The following GRIP1 variants were observed in gnomAD, a reference collection of about 807,000 sequenced individuals.
GRIP1 encodes the protein glutamate receptor-interacting protein 1.
Under a neutral mutation model 129.9 loss-of-function variants are expected in GRIP1, and 45 were observed. The observed-to-expected ratio is 0.35, with a 90% CI of 0.27 to 0.44. GRIP1 has a LOEUF of 0.44. Ranked by LOEUF, GRIP1 falls within the 20% of genes least tolerant of loss-of-function variation. The pLI, the probability that GRIP1 is intolerant of heterozygous loss-of-function variation, is 1.00. For synonymous variants in GRIP1, 530 were observed against 520.8 expected (o/e 1.02, Z -0.24); for missense variants, 1,196 against 1,396.8 (o/e 0.86, Z 2.29).
At chr12:66,377,092 C>T in intron 21 of GRIP1, 31 bp from the exon 22 acceptor site, 3 of 1,599,592 alleles carry the variant, frequency 1.9e-6, no homozygotes, top group Non-Finnish European at 2.6e-6. Flanking sequence ...TTTAAATGAA[C>T]TGGTGTGAGA....
At chr12:66,762,811 G>T (rs533990581) in intron 1 of GRIP1, among the ~76,000 whole-genome samples, 2 of 152,296 alleles carry the variant, frequency 1.3e-5, no homozygotes, top group African/African-American at 4.8e-5. Context: ...TATACAATGT[G>T]CAGTGGTTAC....
Position 66,678,832 on chromosome 12 carries a change from A to T in GRIP1, c.55+18T>A. The T allele has an allele frequency of 6.2e-7, 1 of 1,611,064 alleles. No homozygotes were observed. The highest frequency in any genetic ancestry group is 8.5e-7 in the Non-Finnish European group (1 of 1,177,496). On this transcript the variant is annotated intron_variant, in intron 1 of 24. Transcript: ENST00000359742. ...CTGCAACAGACTCGCTGAGGGAATA[A>T]CAAGGAAAGCACGATACCTTTAGTA...
At chr12:66,547,414 T>C (rs2139275808) in intron 2 of GRIP1, among the ~76,000 whole-genome samples, 1 of 152,286 alleles carries the variant, frequency 6.6e-6, no homozygotes, top group East Asian at 1.9e-4. Context: ...CCAGAAATTA[T>C]ACTCCTGGGC....
intron 20 of GRIP1, among the ~76,000 whole-genome samples, chr12:66,378,652 C>G (rs188721288): frequency 4.0e-5 from 6 of 148,952 alleles, no homozygotes; most frequent in Non-Finnish European, 8.9e-5. Context: ...GAGGCTGAGA[C>G]GAGAATCACT....
chr12:66,351,550 A>C (rs2054219490), intron 24 of GRIP1, among the ~76,000 whole-genome samples: 1 of 119,048 alleles, frequency 8.4e-6, no homozygotes. Flanking sequence ...GGGAAACAGG[A>C]AGGTGGTTTT....
intron 1 of GRIP1, among the ~76,000 whole-genome samples, chr12:66,930,414 T>C (rs1042984684): frequency 6.6e-6 from 1 of 151,140 alleles, no homozygotes; most frequent in Non-Finnish European, 1.5e-5. Context: ...ATTTCATCCA[T>C]GTCCCTACAA....
intron 1 of GRIP1, among the ~76,000 whole-genome samples, chr12:66,969,031 C>A (rs1206017252): frequency 6.6e-6 from 1 of 152,128 alleles, no homozygotes; most frequent in East Asian, 1.9e-4. Context: ...TTTCTTTCAA[C>A]TCTTTAAGTA....
intron 1 of GRIP1, among the ~76,000 whole-genome samples, chr12:67,016,462 C>T (rs1287439199): frequency 6.6e-6 from 1 of 152,030 alleles, no homozygotes; most frequent in Non-Finnish European, 1.5e-5. Context: ...CACACTAAAC[C>T]CTTGGACTGA....
At chr12:66,421,585 G>A (rs554225588) in intron 14 of GRIP1, among the ~76,000 whole-genome samples, 25 of 151,304 alleles carry the variant, frequency 1.7e-4, no homozygotes, top group African/African-American at 6.1e-4. Flanking sequence ...TTCCTCACAA[G>A]GAAATCTTTT....
chr12:66,929,561 A>G (rs968118412), intron 1 of GRIP1, among the ~76,000 whole-genome samples: 1 of 152,202 alleles, frequency 6.6e-6, no homozygotes, highest in Non-Finnish European at 1.5e-5. Flanking sequence ...TTTTTGAATC[A>G]TAAGTGAATA....
At chr12:66,715,471 T>TGTGTGAGAGAGA (rs761155485) in intron 1 of GRIP1, among the ~76,000 whole-genome samples, 6 of 110,136 alleles carry the variant, frequency 5.4e-5, no homozygotes, top group African/African-American at 2.0e-4. Context: ...TGTGTGTGTG[T>TGTGTGAGAGAGA]GAGAGAGAGA....
At chr12:67,013,403 G>A (rs1422859842) in intron 1 of GRIP1, among the ~76,000 whole-genome samples, 30 of 152,102 alleles carry the variant, frequency 2.0e-4, no homozygotes, top group Admixed American at 2.0e-3. Context: ...ATTAGAGGAT[G>A]TATTTCTTAA....
At chr12:66,552,879 T>C (rs2062188492) in intron 2 of GRIP1, among the ~76,000 whole-genome samples, 1 of 152,088 alleles carries the variant, frequency 6.6e-6, no homozygotes, top group South Asian at 2.1e-4. Context: ...AAGCAAAGCA[T>C]CTGGGGAGCC....
intron 1 of GRIP1, among the ~76,000 whole-genome samples, chr12:66,826,756 A>G (rs962705407): frequency 3.9e-5 from 6 of 152,116 alleles, no homozygotes; most frequent in Non-Finnish European, 5.9e-5. Context: ...TCCAAAGCAC[A>G]AAATTCTAAA....
Position 66,775,771 on chromosome 12 carries a change from C to T in GRIP1, c.-420+28282G>A, listed in dbSNP as rs141892883. ...GAAAAAACAACTGCTCTTTCTCCAA[C>T]TCTACTGTGCAGAAAATTGATATTC... On this transcript the variant is annotated intron_variant, in intron 1 of 4. Coordinates refer to the GRIP1 transcript ENST00000538373. Among the ~76,000 whole-genome samples the T allele has an allele frequency of 6.6e-4, 100 of 152,204 alleles. 2 individuals carry two copies. In the East Asian group the frequency reaches 0.015, roughly 23 times the overall value.
At chr12:66,985,913 T>G (rs1370193354) in intron 1 of GRIP1, among the ~76,000 whole-genome samples, 1 of 152,230 alleles carries the variant, frequency 6.6e-6, no homozygotes. Context: ...TCATTCTGAT[T>G]AAAAGTACTT....
At chr12:66,521,410 T>C (rs1242288439) in intron 5 of GRIP1, among the ~76,000 whole-genome samples, 4 of 152,246 alleles carry the variant, frequency 2.6e-5, no homozygotes, top group Non-Finnish European at 4.4e-5. Context: ...AGATGTTTAA[T>C]TTTAATTAAT....
At chr12:66,529,639 G>C (rs191289278) in intron 5 of GRIP1, among the ~76,000 whole-genome samples, 192 bp downstream of exon 5, 159 of 152,310 alleles carry the variant, frequency 1.0e-3, no homozygotes, top group South Asian at 2.7e-3. Context: ...CTCGGGGAAA[G>C]GGGGAGGGGG....
chr12:66,476,787 T>A (rs2059628705), intron 7 of GRIP1, among the ~76,000 whole-genome samples: 1 of 152,160 alleles, frequency 6.6e-6, no homozygotes, highest in Admixed American at 6.5e-5. Context: ...TACATGATTA[T>A]CTCAATAGCT....
Sources: allele counts gnomAD v4.1 joint callset (sites outside exome capture counted in the v4.1 genomes callset), GRCh38; gene constraint gnomAD v4.1.1; transcripts MANE v1.5; gene names NCBI Gene and HGNC (gene_info 2026-07-23, HGNC 2026-07-21).